PLCG2: variants seen among roughly 807,000 people sequenced by gnomAD.
The protein encoded by PLCG2 is 1-phosphatidylinositol 4,5-bisphosphate phosphodiesterase gamma-2.
PLCG2 carries 69 observed loss-of-function variants against 175.6 expected under a neutral mutation model. The observed-to-expected ratio is 0.39, with a 90% CI of 0.32 to 0.48. The LOEUF (loss-of-function observed/expected upper bound fraction) is 0.48, where lower values mean the gene tolerates loss of function less well. PLCG2 is among the 20% of genes least tolerant of loss of function. The pLI is 0.91. For missense variants in PLCG2, 1,798 were observed against 1,650.9 expected, an observed-to-expected ratio of 1.09 and a Z score of -1.54; for synonymous variants, 827 against 624.0, an observed-to-expected ratio of 1.33 and a Z score of -4.85.
At chr16:81,952,466 A>G (rs1240039375) in intron 31 of PLCG2, among the ~76,000 whole-genome samples, 1 of 152,112 alleles carries the variant, frequency 6.6e-6, no homozygotes, top group African/African-American at 2.4e-5. Flanking sequence ...ATTTCCAGAC[A>G]TGGGATAAAT....
In PLCG2 at chr16:81,936,212, G is replaced by A. The variant is rs1910704491; in HGVS notation, c.2886G>A (p.Lys962=). The change falls in exon 27 of 33, where the codon AAG becomes AAA. Residue 962 remains lysine (K), a synonymous_variant. Transcript: ENST00000564138. ...AAATCCGCTCCTTTGTGGAGACGAA[G>A]GCTGACAGCATCATCAGACAGAAGC... ...FREIRSFVET[K]ADSIIRQKPV... The A allele has an allele frequency of 2.5e-6, 4 of 1,614,132 alleles. No individual in the cohort carries two copies. Among genetic ancestry groups the A allele is most frequent in the Non-Finnish European group, 1.7e-6 (2 of 1,180,028 alleles).
At chr16:81,849,475 T>C (rs146079605) in intron 2 of PLCG2, among the ~76,000 whole-genome samples, 1 of 152,304 alleles carries the variant, frequency 6.6e-6, no homozygotes, top group East Asian at 1.9e-4. Context: ...AGATCCCCTC[T>C]TGGCTGGGCG....
intron 2 of PLCG2, among the ~76,000 whole-genome samples, chr16:81,809,617 G>C (rs575278393): frequency 1.1e-4 from 17 of 152,258 alleles, no homozygotes; most frequent in African/African-American, 3.9e-4. Context: ...CTTAGACCCT[G>C]TGTCAGGAAA....
At position 81,859,178 on chromosome 16, in the gene PLCG2, G is replaced by A; in HGVS notation, c.479+15G>A. On this transcript the variant is annotated intron_variant, in intron 5 of 32. Coordinates refer to ENST00000564138, the MANE Select transcript of PLCG2 (RefSeq NM_002661.5). Reference sequence around the variant, plus strand: ...AGAAGAAACAGGTAAGAGTCATTCAGTTTTTTTCTGATCACTTTGGATTTC... The same window carrying A: ...AGAAGAAACAGGTAAGAGTCATTCAATTTTTTTCTGATCACTTTGGATTTC... 6.4e-7 allele frequency: 1 copy of A among 1,552,508 alleles called. No individual in the cohort carries two copies.
At chr16:81,742,130 A>G (rs1174244163) in intron 1 of PLCG2, among the ~76,000 whole-genome samples, 1 of 115,450 alleles carries the variant, frequency 8.7e-6, no homozygotes, top group Non-Finnish European at 1.7e-5. Context: ...GGTACAAAGC[A>G]CACAAAAGTT....
chr16:81,840,307 C>A (rs905202172), intron 2 of PLCG2, among the ~76,000 whole-genome samples: 1 of 151,934 alleles, frequency 6.6e-6, no homozygotes, highest in African/African-American at 2.4e-5. Context: ...AGCAGCAGTC[C>A]CAGACTTTTT....
chr16:81,850,355 A>C (rs1906341815), intron 2 of PLCG2, among the ~76,000 whole-genome samples: 1 of 152,176 alleles, frequency 6.6e-6, no homozygotes, highest in African/African-American at 2.4e-5. Context: ...GATAAATGAA[A>C]CAAACAAACA....
chr16:81,867,154 C>T (rs904431322), intron 5 of PLCG2, among the ~76,000 whole-genome samples: 1 of 152,238 alleles, frequency 6.6e-6, no homozygotes, highest in African/African-American at 2.4e-5. Context: ...CAGAGTCACA[C>T]TGGACCGTCT....
At chr16:81,799,964 A>G (rs1911649717) in intron 2 of PLCG2, among the ~76,000 whole-genome samples, 2 of 152,206 alleles carry the variant, frequency 1.3e-5, no homozygotes, top group South Asian at 4.1e-4. Context: ...CTCAAGAGCA[A>G]GGGATCCAGG....
At chr16:81,897,982 C>G (rs960000529) in intron 13 of PLCG2, 1 of 413,730 alleles carries the variant, frequency 2.4e-6, no homozygotes, top group Non-Finnish European at 4.9e-6. Flanking sequence ...TTCTCCATCG[C>G]AGCATTCTCC....
intron 2 of PLCG2, among the ~76,000 whole-genome samples, chr16:81,771,179 C>T (rs1264448789): frequency 6.6e-6 from 1 of 152,174 alleles, no homozygotes; most frequent in Non-Finnish European, 1.5e-5. Flanking sequence ...CATCGCAGCC[C>T]TCAAGGTCCT....
intron 11 of PLCG2, 98 bp from the exon 12 acceptor site, chr16:81,893,611 G>C: frequency 1.4e-6 from 1 of 735,982 alleles, no homozygotes; most frequent in Non-Finnish European, 2.4e-6. Context: ...TTGGCGGCTC[G>C]GGCGGAGAAG....
Position 81,869,431 on chromosome 16 carries a change from G to C in PLCG2, c.564+133G>C, listed in dbSNP as rs138932132. 1.8e-5 allele frequency: 12 copies of C among 678,272 alleles called. No homozygotes were observed. The East Asian group carries it at 2.8e-4, about 16-fold the overall frequency. 42.0% of individuals were successfully genotyped at this position (678,272 alleles called of 1,614,324 possible). ...TCCTTTGCCTCCAGAGTACATCTTAGTTCAGACAGAGGGATCATGGACATA... is the reference window on the plus strand; with the variant it reads ...TCCTTTGCCTCCAGAGTACATCTTACTTCAGACAGAGGGATCATGGACATA... On this transcript the variant is annotated intron_variant, in intron 6 of 32. Transcript: ENST00000564138.
chr16:81,914,290 C>A (rs1190420767), intron 19 of PLCG2, among the ~76,000 whole-genome samples: 1 of 152,218 alleles, frequency 6.6e-6, no homozygotes, highest in African/African-American at 2.4e-5. Flanking sequence ...AGGATGCCAC[C>A]TGTATGTGCA....
intron 2 of PLCG2, among the ~76,000 whole-genome samples, chr16:81,762,265 G>A (rs1910057671): frequency 6.6e-6 from 1 of 151,982 alleles, no homozygotes; most frequent in African/African-American, 2.4e-5. Context: ...TTTTTAAAAA[G>A]AAACTGTCAA....
intron 17 of PLCG2, among the ~76,000 whole-genome samples, 154 bp from the exon 18 acceptor site, chr16:81,910,366 C>G (rs1475162640): frequency 6.6e-6 from 1 of 152,226 alleles, no homozygotes; most frequent in Non-Finnish European, 1.5e-5. Flanking sequence ...GCTGGGATTA[C>G]AGGCATGAGC....
At chr16:81,884,903 A>G (rs1908277970) in intron 9 of PLCG2, among the ~76,000 whole-genome samples, 1 of 151,784 alleles carries the variant, frequency 6.6e-6, no homozygotes, top group Non-Finnish European at 1.5e-5. Flanking sequence ...TTTTTGTTTG[A>G]GATAAGGTCT....
intron 2 of PLCG2, among the ~76,000 whole-genome samples, chr16:81,835,469 C>T (rs1020243994): frequency 2.0e-5 from 3 of 152,014 alleles, no homozygotes; most frequent in African/African-American, 7.2e-5. Flanking sequence ...GGTGACACTA[C>T]TTGGGAGGCT....
At chr16:81,774,066 T>C (rs951795605) in intron 2 of PLCG2, among the ~76,000 whole-genome samples, 12 of 151,390 alleles carry the variant, frequency 7.9e-5, no homozygotes, top group Non-Finnish European at 1.3e-4. Flanking sequence ...GCACAGTGAC[T>C]TATGCCTGTA....
Sources: gnomAD v4.1 joint callset for allele counts (sites outside exome capture counted in the v4.1 genomes callset) on GRCh38, gnomAD v4.1.1 for gene constraint, MANE v1.5 for transcripts, NCBI Gene and HGNC (gene_info 2026-07-23, HGNC 2026-07-21) for gene names.